FMN2: variants seen among roughly 807,000 people sequenced by gnomAD.
The protein encoded by FMN2 is formin-2.
FMN2 carries 51 observed loss-of-function variants against 142.3 expected under a neutral mutation model. The ratio of observed to expected loss-of-function variants is 0.36; its 90% CI spans 0.29 to 0.45. The LOEUF is 0.45. Ranked by LOEUF, FMN2 falls within the 20% of genes least tolerant of loss-of-function variation. The pLI is 1.00. For missense variants in FMN2, 1,936 were observed against 2,122.8 expected, an observed-to-expected ratio of 0.91 and a Z score of 1.73; for synonymous variants, 882 against 869.8, an observed-to-expected ratio of 1.01 and a Z score of -0.25.
intron 8 of FMN2, 140 bp from the exon 9 acceptor site, chr1:240,328,936 A>G (rs1671287407): frequency 1.1e-5 from 8 of 747,376 alleles, no homozygotes; most frequent in Middle Eastern, 2.6e-4. Flanking sequence ...AAGCTTTACT[A>G]TATACAGATG....
chr1:240,381,135 A>T (rs1673212076), intron 14 of FMN2, among the ~76,000 whole-genome samples: 1 of 152,192 alleles, frequency 6.6e-6, no homozygotes, highest in African/African-American at 2.4e-5. Flanking sequence ...ATCAAGGAGG[A>T]GGTGTTCCTT....
chr1:240,254,690 A>G lies in FMN2; in HGVS notation c.4066-3255A>G, dbSNP rs924836164. Among the ~76,000 whole-genome samples the G allele has an allele frequency of 2.6e-5, 4 of 152,174 alleles. No homozygotes were observed. The East Asian group carries it at 7.8e-4, about 30-fold the overall frequency. On this transcript the variant is annotated intron_variant, in intron 6 of 17. Coordinates refer to ENST00000319653, the MANE Select transcript of FMN2 (RefSeq NM_020066.5). Reference sequence around the variant, plus strand: ...CTGGGGGAGCTTGTGCTGTGGCTCCATATGGCGGCTGCAAGAGGGGTGCCC... The same window carrying G: ...CTGGGGGAGCTTGTGCTGTGGCTCCGTATGGCGGCTGCAAGAGGGGTGCCC...
chr1:240,241,238 A>T (rs1255424308), intron 6 of FMN2, among the ~76,000 whole-genome samples: 1 of 136,574 alleles, frequency 7.3e-6, no homozygotes, highest in Non-Finnish European at 1.6e-5. Flanking sequence ...TTTTTTTTTT[A>T]ATTGTATTTT....
At chr1:240,247,300 T>C (rs1380856288) in intron 6 of FMN2, among the ~76,000 whole-genome samples, 5 of 152,058 alleles carry the variant, frequency 3.3e-5, no homozygotes, top group Admixed American at 2.6e-4. Flanking sequence ...GTTGGGAGTT[T>C]GAGACCAGCC....
chr1:240,171,250 CTG>C, intron 2 of FMN2: 1 of 758,706 alleles, frequency 1.3e-6, no homozygotes, highest in African/African-American at 1.7e-5. Flanking sequence ...AGCCTTTGAA[CTG>C]TTGCATTCTG....
At chr1:240,155,960 C>T (rs1664007849) in intron 2 of FMN2, among the ~76,000 whole-genome samples, 1 of 150,028 alleles carries the variant, frequency 6.7e-6, no homozygotes, top group Admixed American at 6.7e-5. Flanking sequence ...CGTAAAGGGA[C>T]AGACGTGGTG....
intron 8 of FMN2, among the ~76,000 whole-genome samples, chr1:240,323,652 T>C (rs1246084503): frequency 6.6e-6 from 1 of 152,244 alleles, no homozygotes; most frequent in Non-Finnish European, 1.5e-5. Flanking sequence ...CTCTGTGTCC[T>C]TGTTCTTCCC....
intron 16 of FMN2, among the ~76,000 whole-genome samples, chr1:240,455,178 A>AAGCTGGTGCATGAT (rs60026777): frequency 1.3e-5 from 2 of 151,772 alleles, no homozygotes; most frequent in Non-Finnish European, 2.9e-5. Context: ...GACCATCGGA[A>AAGCTGGTGCATGAT]AGTAAAGAGG....
At chr1:240,295,635 T>A (rs1441769058) in intron 8 of FMN2, among the ~76,000 whole-genome samples, 2 of 152,234 alleles carry the variant, frequency 1.3e-5, no homozygotes, top group Non-Finnish European at 2.9e-5. Flanking sequence ...CCATGGTGTA[T>A]ATGTACCACA....
At chr1:240,188,841 AGT>A (rs555674506) in intron 4 of FMN2, among the ~76,000 whole-genome samples, 93 of 152,330 alleles carry the variant, frequency 6.1e-4, no homozygotes, top group African/African-American at 2.1e-3. Context: ...AGGCCTCACA[AGT>A]TCATGGTGGA....
chr1:240,116,592 A>G (rs1662034249), intron 1 of FMN2, among the ~76,000 whole-genome samples: 1 of 152,086 alleles, frequency 6.6e-6, no homozygotes, highest in Admixed American at 6.5e-5. Context: ...ACTAAGTAGG[A>G]TGAAGACAGA....
At position 240,231,160 on chromosome 1, in the gene FMN2, G is replaced by A. The variant is rs1667513728; in HGVS notation, c.4065+19925G>A. Among the ~76,000 whole-genome samples the A allele has an allele frequency of 2.3e-5, 3 of 131,960 alleles. 1 individual carries two copies. The highest frequency in any genetic ancestry group is 4.7e-4 in the South Asian group (2 of 4,252). 86.6% of individuals were successfully genotyped at this position (131,960 alleles called of 152,430 possible). ...CACACACGAAGCAGGTAGACACACA[G>A]CTATTCCAAAAACAAGAAAACAAAA... On this transcript the variant is annotated intron_variant, in intron 6 of 17. Transcript: ENST00000319653.
intron 6 of FMN2, among the ~76,000 whole-genome samples, chr1:240,224,763 A>G (rs1667241217): frequency 6.6e-6 from 1 of 152,172 alleles, no homozygotes; most frequent in Non-Finnish European, 1.5e-5. Flanking sequence ...CATTTGCTGC[A>G]GCCAAGGAGA....
intron 1 of FMN2, among the ~76,000 whole-genome samples, chr1:240,102,691 T>C (rs1661455888): frequency 6.6e-6 from 1 of 152,170 alleles, no homozygotes; most frequent in Admixed American, 6.5e-5. Flanking sequence ...TAGGGATTGA[T>C]CTGTCTCTGT....
At position 240,142,505 on chromosome 1, in the gene FMN2, T is replaced by G. The variant is rs867845166; in HGVS notation, c.1782+19160T>G. On this transcript the variant is annotated intron_variant, in intron 2 of 17. Coordinates refer to ENST00000319653, the MANE Select transcript of FMN2 (RefSeq NM_020066.5). The stretch of plus-strand genomic sequence containing the variant: ...TATTTATTTATTTATTTATATTTTT[T>G]GGGGGGGGATAAAGGTCTTTATTGA... Among the ~76,000 whole-genome samples, 7 of 33,176 alleles carry G rather than the reference T, an allele frequency of 2.1e-4. No individual in the cohort carries two copies. In the South Asian group the frequency reaches 4.3e-3, roughly 20 times the overall value. 21.8% of individuals were successfully genotyped at this position (33,176 alleles called of 152,430 possible).
intron 6 of FMN2, among the ~76,000 whole-genome samples, chr1:240,212,959 TTTTG>T (rs1044778016): frequency 6.6e-6 from 1 of 152,106 alleles, no homozygotes. Context: ...GTTTGTTTGT[TTTTG>T]TTTGTTTGTT....
chr1:240,419,519 G>C (rs1047014995), intron 15 of FMN2, among the ~76,000 whole-genome samples: 1 of 152,144 alleles, frequency 6.6e-6, no homozygotes, highest in Admixed American at 6.5e-5. Flanking sequence ...CTTTTGCCAG[G>C]ATTCCATTAC....
chr1:240,139,552 AAG>A (rs1663090558), intron 2 of FMN2, among the ~76,000 whole-genome samples: 3 of 152,320 alleles, frequency 2.0e-5, no homozygotes, highest in Admixed American at 2.0e-4. Flanking sequence ...AAAAGCTACA[AAG>A]AGAATGATAA....
intron 16 of FMN2, among the ~76,000 whole-genome samples, chr1:240,449,110 C>G (rs116659602): frequency 0.023 from 3,457 of 150,408 alleles, 145 homozygotes; most frequent in African/African-American, 0.08. Context: ...CCGCTGCACT[C>G]TAGCCTAGGT....
Sources: gnomAD v4.1 joint callset for allele counts (sites outside exome capture counted in the v4.1 genomes callset) on GRCh38, gnomAD v4.1.1 for gene constraint, MANE v1.5 for transcripts, NCBI Gene and HGNC (gene_info 2026-07-23, HGNC 2026-07-21) for gene names.